FARP1: variants seen among roughly 807,000 people sequenced by gnomAD.
FARP1 encodes FERM, ARH/RhoGEF and pleckstrin domain protein 1, also known as FERM, ARHGEF and pleckstrin domain-containing protein 1.
In FARP1, 52 loss-of-function variants were observed where a neutral mutation model predicts 128.8. The ratio of observed to expected loss-of-function variants is 0.40; its 90% CI spans 0.32 to 0.51. The LOEUF (loss-of-function observed/expected upper bound fraction) is 0.51. FARP1 is among the 20% of genes least tolerant of loss of function. FARP1 has a pLI of 0.45. For synonymous variants in FARP1, 580 were observed against 551.8 expected (o/e 1.05, Z -0.72); for missense variants, 1,333 against 1,367.9 (o/e 0.97, Z 0.40).
chr13:98,388,334 G>A (rs1307307515), intron 8 of FARP1, 49 bp from the exon 9 acceptor site: 1 of 1,425,150 alleles, frequency 7.0e-7, no homozygotes, highest in East Asian at 2.3e-5. Context: ...CAACTCCCAA[G>A]TTGCTTGTTA....
At chr13:98,432,191 C>T (rs766272868) in intron 18 of FARP1, 5 of 152,282 alleles carry the variant, frequency 3.3e-5, no homozygotes, top group Non-Finnish European at 5.9e-5. Context: ...TGGTCACAAC[C>T]GTCCTGCCCT....
intron 1 of FARP1, among the ~76,000 whole-genome samples, chr13:98,154,053 C>T (rs1876322719): frequency 6.6e-6 from 1 of 152,110 alleles, no homozygotes; most frequent in Non-Finnish European, 1.5e-5. Flanking sequence ...CATTTGTAAC[C>T]TTTTGAGACT....
At chr13:98,167,894 C>T (rs372679904) in intron 1 of FARP1, among the ~76,000 whole-genome samples, 3 of 147,670 alleles carry the variant, frequency 2.0e-5, no homozygotes, top group Non-Finnish European at 4.5e-5. Flanking sequence ...CCATGCTGGC[C>T]GGGTGCGGTG....
chr13:98,235,248 C>G (rs1344600301), intron 2 of FARP1, among the ~76,000 whole-genome samples: 1 of 152,090 alleles, frequency 6.6e-6, no homozygotes, highest in Non-Finnish European at 1.5e-5. Flanking sequence ...GGCAATACCC[C>G]CAGAGCCACA....
chr13:98,159,134 C>A (rs1274213881), intron 1 of FARP1, among the ~76,000 whole-genome samples: 2 of 152,140 alleles, frequency 1.3e-5, no homozygotes, highest in African/African-American at 2.4e-5. Flanking sequence ...GCCTTCTGGC[C>A]CATCCTTGGA....
At chr13:98,178,851 G>A (rs1469524947) in intron 1 of FARP1, among the ~76,000 whole-genome samples, 3 of 152,192 alleles carry the variant, frequency 2.0e-5, no homozygotes, top group Admixed American at 1.3e-4. Flanking sequence ...AGTAATTCTA[G>A]ATTTTTCTTC....
chr13:98,196,834 CTT>C (rs988021201), intron 1 of FARP1, among the ~76,000 whole-genome samples: 1 of 152,188 alleles, frequency 6.6e-6, no homozygotes, highest in Non-Finnish European at 1.5e-5. Context: ...GACATTTAAA[CTT>C]TCTCATTTTC....
At chr13:98,152,260 T>C (rs1876068040) in intron 1 of FARP1, among the ~76,000 whole-genome samples, 1 of 152,236 alleles carries the variant, frequency 6.6e-6, no homozygotes, top group Non-Finnish European at 1.5e-5. Flanking sequence ...TTAGTCATTA[T>C]GCCTAATGGC....
chr13:98,155,299 C>T (rs1339544043), intron 1 of FARP1, among the ~76,000 whole-genome samples: 2 of 141,306 alleles, frequency 1.4e-5, no homozygotes, highest in East Asian at 2.1e-4. Flanking sequence ...GAGCTGAGAT[C>T]GCACCATCGT....
chr13:98,176,174 T>C lies in FARP1; in HGVS notation c.-24+32682T>C, dbSNP rs776077151. ...GACTTGAGTCTTTCTTATCTCTTTT[T>C]TCCTAAAAGAACAAAAAAATTTATT... On this transcript the variant is annotated intron_variant, in intron 1 of 26. Coordinates refer to ENST00000319562, the MANE Select transcript of FARP1 (RefSeq NM_005766.4). This position sits in a 1 kb window ranked among gnomAD's most constrained non-coding sequence, Gnocchi z 6.2. The C allele has an allele frequency of 1.2e-6, 2 of 1,610,402 alleles. No homozygotes were observed. The highest frequency in any genetic ancestry group is 2.2e-5 in the South Asian group (2 of 90,746).
intron 1 of FARP1, among the ~76,000 whole-genome samples, chr13:98,207,533 G>T (rs1254710366): frequency 6.6e-6 from 1 of 151,972 alleles, no homozygotes; most frequent in African/African-American, 2.4e-5. Context: ...CTTCCTTCCT[G>T]CCGTCATCGG....
At position 98,176,794 on chromosome 13, in the gene FARP1, C is replaced by G; in HGVS notation, c.-24+33302C>G. 6.2e-7 allele frequency: 1 copy of G among 1,613,530 alleles called. No individual in the cohort carries two copies. Among genetic ancestry groups the G allele is most frequent in the Non-Finnish European group, 8.5e-7 (1 of 1,180,006 alleles). On this transcript the variant is annotated intron_variant, in intron 1 of 26. Coordinates refer to ENST00000319562, the MANE Select transcript of FARP1 (RefSeq NM_005766.4). This position sits in a 1 kb window ranked among gnomAD's most constrained non-coding sequence, Gnocchi z 6.2. ...GTACCTCAGGTAGCTGTGGATTCCC[C>G]GGTAGATGTGGTCGTGCTCCCGACC...
chr13:98,296,435 C>T (rs1481053422), intron 2 of FARP1, among the ~76,000 whole-genome samples: 2 of 152,106 alleles, frequency 1.3e-5, no homozygotes, highest in Admixed American at 6.6e-5. Flanking sequence ...AGTGCTTCTC[C>T]CCTTGTAGAA....
chr13:98,436,005 T>G (rs1360378890), intron 19 of FARP1: 1 of 374,130 alleles, frequency 2.7e-6, no homozygotes, highest in Non-Finnish European at 5.4e-6. Flanking sequence ...TTTTATTTTT[T>G]TTAAATGTAC....
At chr13:98,369,342 C>G (rs1014046331) in intron 5 of FARP1, among the ~76,000 whole-genome samples, 5 of 138,874 alleles carry the variant, frequency 3.6e-5, no homozygotes, top group African/African-American at 1.3e-4. Context: ...ACTAATCTAA[C>G]CAGCCTAATT....
intron 2 of FARP1, among the ~76,000 whole-genome samples, chr13:98,299,541 T>C (rs1009863339): frequency 1.3e-5 from 2 of 152,340 alleles, no homozygotes; most frequent in Non-Finnish European, 1.5e-5. Flanking sequence ...TGTGGAGTTA[T>C]GCTCCTGGGT....
At chr13:98,237,110 G>GC (rs751112058) in intron 2 of FARP1, among the ~76,000 whole-genome samples, 77 of 152,064 alleles carry the variant, frequency 5.1e-4, no homozygotes, top group Non-Finnish European at 1.0e-3. Flanking sequence ...TTCAAGACCA[G>GC]CCTGACCAAC....
intron 3 of FARP1, among the ~76,000 whole-genome samples, chr13:98,356,095 A>C (rs1234157943): frequency 6.6e-6 from 1 of 152,210 alleles, no homozygotes. Flanking sequence ...TAGGATATTC[A>C]ATATATTTCA....
chr13:98,185,521 T>A (rs912499965), intron 1 of FARP1, among the ~76,000 whole-genome samples: 2 of 152,188 alleles, frequency 1.3e-5, no homozygotes, highest in African/African-American at 4.8e-5. Flanking sequence ...CTCTGCTCTT[T>A]AGTATGTAAT....
Sources: gnomAD v4.1 joint callset for allele counts (sites outside exome capture counted in the v4.1 genomes callset) on GRCh38, gnomAD v4.1.1 for gene constraint, Gnocchi (gnomAD v3.1) non-coding constraint, MANE v1.5 for transcripts, NCBI Gene and HGNC (gene_info 2026-07-23, HGNC 2026-07-21) for gene names.